Variants in ACSS2 observed in about 807,000 individuals in gnomAD.
ACSS2 encodes acetyl-coenzyme A synthetase, cytoplasmic.
A neutral mutation model predicts 90.6 loss-of-function variants in ACSS2; 58 were observed. The observed-to-expected ratio is 0.64, with a 90% confidence interval of 0.52 to 0.80. The LOEUF (loss-of-function observed/expected upper bound fraction) is 0.80, where lower values mean the gene tolerates loss of function less well. ACSS2 is among the 30% of genes least tolerant of loss of function. The pLI is 0.00. For synonymous variants in ACSS2, 300 were observed against 330.9 expected (o/e 0.91, Z 1.01); for missense variants, 759 against 912.0 (o/e 0.83, Z 2.16).
chr20:34,922,005 A>C (rs2081214634), intron 13 of ACSS2, 139 bp downstream of exon 13: 1 of 1,474,950 alleles, frequency 6.8e-7, no homozygotes, highest in Non-Finnish European at 8.9e-7. Context: ...TTGCTCACTG[A>C]GAGACCCTGG....
chr20:34,909,718 C>CTT (rs879749574), intron 2 of ACSS2, among the ~76,000 whole-genome samples: 8 of 137,914 alleles, frequency 5.8e-5, no homozygotes, highest in South Asian at 2.4e-4. Context: ...CATTAAAATC[C>CTT]TTTTTTTTTT....
chr20:34,908,466 C>G (rs1419001856), intron 2 of ACSS2, among the ~76,000 whole-genome samples: 1 of 152,196 alleles, frequency 6.6e-6, no homozygotes, highest in Non-Finnish European at 1.5e-5. Flanking sequence ...TTGCCTACCT[C>G]TCATTATTCA....
At chr20:34,888,642 G>A (rs1395021999) in intron 2 of ACSS2, among the ~76,000 whole-genome samples, 1 of 152,226 alleles carries the variant, frequency 6.6e-6, no homozygotes, top group Non-Finnish European at 1.5e-5. Context: ...AGGTAGTGAT[G>A]AGTACTATAG....
rs373572465 is a variant in ACSS2, at chr20:34,913,534, G to T, written c.570+38G>T. On this transcript the variant is annotated intron_variant, in intron 4 of 17. Transcript: ENST00000360596. ...GCTGGTGAAAAGGGGCAGGCGGGGG[G>T]GTGGGGCTCTGGAGAAGTAGGTTGG... The T allele has an allele frequency of 2.0e-5, 31 of 1,580,424 alleles. 1 individual carries two copies. Among genetic ancestry groups the T allele is most frequent in the Non-Finnish European group, 2.7e-5 (31 of 1,154,992 alleles).
In ACSS2 at chr20:34,913,377, G is replaced by A. The variant is rs2081006035; in HGVS notation, c.467-16G>A. 3 of 1,612,718 alleles carry A rather than the reference G, an allele frequency of 1.9e-6. No individual in the cohort carries two copies. Among genetic ancestry groups the A allele is most frequent in the African/African-American group, 1.3e-5 (1 of 75,022 alleles). ...AAGAAGGGTTCATGGTTCATATTCTGTGCTTTTACCTGCAGGCATTCAGAA... is the reference window on the plus strand; with the variant it reads ...AAGAAGGGTTCATGGTTCATATTCTATGCTTTTACCTGCAGGCATTCAGAA... On this transcript the variant is annotated splice_polypyrimidine_tract_variant and intron_variant, in intron 3 of 17. Coordinates refer to ENST00000360596, the MANE Select transcript of ACSS2 (RefSeq NM_018677.4).
In ACSS2 at chr20:34,922,022, C is replaced by T. The variant is rs190871865; in HGVS notation, c.1548+156C>T. On this transcript the variant is annotated intron_variant, in intron 13 of 17. Transcript: ENST00000360596. Reference sequence around the variant, plus strand: ...GCTCACTGAGAGACCCTGGAGGGGACCCTCGATACTTTGCCTGCATCTCTT... The same window carrying T: ...GCTCACTGAGAGACCCTGGAGGGGATCCTCGATACTTTGCCTGCATCTCTT... The T allele has an allele frequency of 1.2e-5, 17 of 1,408,024 alleles. No homozygotes were observed. In the East Asian group the frequency reaches 3.7e-4, roughly 31 times the overall value. 87.2% of individuals were successfully genotyped at this position (1,408,024 alleles called of 1,614,324 possible).
At chr20:34,899,825 T>C (rs2080602908) in intron 2 of ACSS2, among the ~76,000 whole-genome samples, 1 of 152,106 alleles carries the variant, frequency 6.6e-6, no homozygotes, top group Admixed American at 6.5e-5. Flanking sequence ...TGGTGGACAT[T>C]TGGGTTGTTT....
intron 1 of ACSS2, among the ~76,000 whole-genome samples, chr20:34,880,884 G>A (rs1359452871): frequency 6.6e-6 from 1 of 151,948 alleles, no homozygotes; most frequent in Non-Finnish European, 1.5e-5. Flanking sequence ...GATTGTATAA[G>A]CTCTAAATTG....
At chr20:34,914,057 G>A (rs1368434271) in intron 5 of ACSS2, 39 bp from the exon 6 acceptor site, 1 of 1,608,200 alleles carries the variant, frequency 6.2e-7, no homozygotes, top group East Asian at 2.2e-5. Flanking sequence ...AGGCAGCATG[G>A]GGCTTACTAA....
intron 2 of ACSS2, among the ~76,000 whole-genome samples, chr20:34,887,046 C>A (rs557983326): frequency 2.0e-4 from 31 of 152,166 alleles, no homozygotes; most frequent in African/African-American, 5.1e-4. Context: ...AATAATTTGG[C>A]CTTTTACTTT....
chr20:34,901,988 GA>G (rs766121183), intron 2 of ACSS2, among the ~76,000 whole-genome samples: 1 of 152,178 alleles, frequency 6.6e-6, no homozygotes, highest in Non-Finnish European at 1.5e-5. Context: ...GGAAACTCCT[GA>G]AGGAGTGCCT....
At chr20:34,879,300 G>A (rs558271864) in intron 1 of ACSS2, among the ~76,000 whole-genome samples, 1 of 151,914 alleles carries the variant, frequency 6.6e-6, no homozygotes, top group Non-Finnish European at 1.5e-5. Context: ...ATTCTAGATA[G>A]ATCATTCTCC....
chr20:34,927,198 G>A lies in ACSS2; in HGVS notation c.2090G>A (p.Cys697Tyr). 6.2e-7 allele frequency: 1 copy of A among 1,613,898 alleles called. No individual in the cohort carries two copies. The highest frequency in any genetic ancestry group is 8.5e-7 in the Non-Finnish European group (1 of 1,180,032). Residue 697 changes from cysteine to tyrosine, a missense_variant, in exon 18 of 18, where the codon TGC (cysteine) becomes TAC (tyrosine). By Grantham distance (194) the Cys-to-Tyr change is radical. Coordinates refer to ENST00000360596, the MANE Select transcript of ACSS2 (RefSeq NM_018677.4). The surrounding 1 kb of genome is among the most constrained non-coding windows in gnomAD (Gnocchi z 4.2). ...SVISHLFSHR[C>Y]LTIQ The stretch of plus-strand genomic sequence containing the variant: ...ATCAGTCACCTCTTCAGCCACCGCT[G>A]CCTGACCATCCAGTGAACATGATCC...
At chr20:34,913,859 C>G (rs1323784877) in intron 5 of ACSS2, 34 bp downstream of exon 5, 1 of 1,599,156 alleles carries the variant, frequency 6.3e-7, no homozygotes, top group South Asian at 1.1e-5. Flanking sequence ...TCCAGAACCC[C>G]CCATACCTCA....
Position 34,921,053 on chromosome 20 carries a change from T to A in ACSS2, c.1191T>A (p.Ile397=). The A allele has an allele frequency of 6.2e-7, 1 of 1,614,012 alleles. No homozygotes were observed. Among genetic ancestry groups the A allele is most frequent in the Non-Finnish European group, 8.5e-7 (1 of 1,179,992 alleles). The change falls in exon 10 of 18, where the codon ATT becomes ATA. Residue 397 remains isoleucine (I), a synonymous_variant. Coordinates refer to ENST00000360596, the MANE Select transcript of ACSS2 (RefSeq NM_018677.4). ...CGGACGTGAACCGCCTGTGGAGCAT[T>A]GTGGACAAATACAAGGTGACCAAGT... The part of the protein sequence containing the change: ...TYPDVNRLWS[I]VDKYKVTKFY...
chr20:34,923,482 C>T (rs1048136405), intron 14 of ACSS2, 51 bp downstream of exon 14: 2 of 1,309,006 alleles, frequency 1.5e-6, no homozygotes, highest in Non-Finnish European at 2.2e-6. Flanking sequence ...CATGTACCTT[C>T]CACTTCCATT....
chr20:34,915,198 T>G (rs755083096), intron 7 of ACSS2: 1 of 1,613,822 alleles, frequency 6.2e-7, no homozygotes, highest in African/African-American at 1.3e-5. Context: ...ACTACCCTTT[T>G]CATCCTGGGC....
intron 2 of ACSS2, among the ~76,000 whole-genome samples, chr20:34,898,231 AC>A (rs751329358): frequency 4.9e-4 from 75 of 152,156 alleles, no homozygotes; most frequent in Non-Finnish European, 8.7e-4. Context: ...TGAGCGGGTT[AC>A]CACTGCTGGC....
intron 2 of ACSS2, among the ~76,000 whole-genome samples, chr20:34,894,870 G>A (rs1198649229): frequency 6.6e-6 from 1 of 152,150 alleles, no homozygotes; most frequent in Non-Finnish European, 1.5e-5. Context: ...CTAGTCTGAT[G>A]ACTCCATATT....
Sources: gnomAD v4.1 joint callset for allele counts (sites outside exome capture counted in the v4.1 genomes callset) on GRCh38, gnomAD v4.1.1 for gene constraint, Gnocchi (gnomAD v3.1) non-coding constraint, MANE v1.5 for transcripts, NCBI Gene and HGNC (gene_info 2026-07-23, HGNC 2026-07-21) for gene names.